The following ZC3H12C variants were observed in gnomAD, a reference collection of about 807,000 sequenced individuals.
ZC3H12C encodes the protein probable ribonuclease ZC3H12C.
Under a neutral mutation model 76.3 loss-of-function variants are expected in ZC3H12C, and 20 were observed. The observed-to-expected ratio is 0.26, with a 90% CI of 0.18 to 0.38. The LOEUF is 0.38. Among genes scored for constraint, ZC3H12C ranks in the 10% least tolerant of loss-of-function variants. The pLI is 1.00. For missense variants in ZC3H12C, 874 were observed against 1,086.5 expected, an observed-to-expected ratio of 0.80 and a Z score of 2.75; for synonymous variants, 352 against 399.6, an observed-to-expected ratio of 0.88 and a Z score of 1.42.
chr11:110,165,216 C>T lies in ZC3H12C; in HGVS notation c.2131C>T (p.Pro711Ser). The change falls in exon 6 of 6, where the codon CCG (proline) becomes TCG (serine). Residue 711 changes from proline to serine, a missense_variant. Around this residue, in one of 3 missense-constraint regions of ZC3H12C, gnomAD observed 395 missense variants for 434.4 expected, o/e 0.91. Transcript: ENST00000278590. ...TCTTCCGCACCTGGCTCTGCACCTGCCGCACTCCGCTGTGGGCGCCCGGTC... is the reference window on the plus strand; with the variant it reads ...TCTTCCGCACCTGGCTCTGCACCTGTCGCACTCCGCTGTGGGCGCCCGGTC... ...PPLPHLALHL[P>S]HSAVGARSSC... 6.2e-7 allele frequency: 1 copy of T among 1,613,984 alleles called. No homozygotes were observed. The highest frequency in any genetic ancestry group is 1.1e-5 in the South Asian group (1 of 91,082).
At chr11:110,141,705 A>G (rs1445052869) in intron 2 of ZC3H12C, among the ~76,000 whole-genome samples, 1 of 152,240 alleles carries the variant, frequency 6.6e-6, no homozygotes, top group Admixed American at 6.5e-5. Context: ...GTAGACCTGC[A>G]TGAAATGTGT....
chr11:110,103,493 A>C (rs922013767), intron 1 of ZC3H12C, among the ~76,000 whole-genome samples: 1 of 152,280 alleles, frequency 6.6e-6, no homozygotes, highest in African/African-American at 2.4e-5. Context: ...GCTTTGCTTA[A>C]ATTATTTAAT....
intron 2 of ZC3H12C, among the ~76,000 whole-genome samples, chr11:110,140,201 G>A (rs1487916919): frequency 6.6e-6 from 1 of 151,996 alleles, no homozygotes; most frequent in East Asian, 1.9e-4. Context: ...GAGGTGGGAG[G>A]ATGGAACGAG....
chr11:110,161,104 A>C (rs2134199039), intron 4 of ZC3H12C, among the ~76,000 whole-genome samples: 1 of 152,254 alleles, frequency 6.6e-6, no homozygotes, highest in Non-Finnish European at 1.5e-5. Flanking sequence ...TTGGCCTCCC[A>C]AAATGCTGGG....
At chr11:110,110,296 A>G (rs1258407541) in intron 1 of ZC3H12C, among the ~76,000 whole-genome samples, 3 of 152,060 alleles carry the variant, frequency 2.0e-5, no homozygotes, top group Non-Finnish European at 2.9e-5. Flanking sequence ...TTTCCCTATG[A>G]TATTAATAGT....
chr11:110,109,200 A>G (rs868190363), intron 1 of ZC3H12C, among the ~76,000 whole-genome samples: 1 of 152,222 alleles, frequency 6.6e-6, no homozygotes, highest in South Asian at 2.1e-4. Context: ...TCTAAGAAAC[A>G]TAGGAATTGT....
intron 1 of ZC3H12C, among the ~76,000 whole-genome samples, chr11:110,127,047 TGTTGGGACTTTCGGC>T (rs1861761831): frequency 6.6e-6 from 1 of 152,196 alleles, no homozygotes; most frequent in Non-Finnish European, 1.5e-5. Context: ...TATGGGCTAA[TGTTGGGACTTTCGGC>T]GTCTGCCTCT....
intron 1 of ZC3H12C, among the ~76,000 whole-genome samples, chr11:110,107,806 G>C (rs1861358528): frequency 6.6e-6 from 1 of 152,130 alleles, no homozygotes; most frequent in African/African-American, 2.4e-5. Context: ...GGGATTACAG[G>C]TGTGAGCCAC....
intron 3 of ZC3H12C, among the ~76,000 whole-genome samples, chr11:110,154,971 C>T (rs1441872573): frequency 6.6e-6 from 1 of 150,818 alleles, no homozygotes; most frequent in Non-Finnish European, 1.5e-5. Flanking sequence ...CAAATCTAAA[C>T]AATGTTATTT....
intron 1 of ZC3H12C, among the ~76,000 whole-genome samples, chr11:110,111,659 T>C (rs1861431369): frequency 1.3e-5 from 2 of 150,818 alleles, no homozygotes; most frequent in African/African-American, 4.9e-5. Context: ...GCTTCCCAAG[T>C]AGCTGGGAGT....
intron 1 of ZC3H12C, among the ~76,000 whole-genome samples, chr11:110,117,477 A>G (rs1279744217): frequency 2.0e-5 from 3 of 151,700 alleles, no homozygotes; most frequent in Non-Finnish European, 4.4e-5. Context: ...ATATAAAGTT[A>G]TAATTACATA....
chr11:110,110,711 A>ACTT (rs10644570), intron 1 of ZC3H12C, among the ~76,000 whole-genome samples: 106,733 of 151,552 alleles, frequency 0.7, 37,860 homozygotes, highest in East Asian at 0.89. Flanking sequence ...GTGTTCTGTC[A>ACTT]CTTCTGAGTA....
intron 1 of ZC3H12C, among the ~76,000 whole-genome samples, chr11:110,105,914 T>G (rs1462086465): frequency 2.0e-5 from 3 of 152,218 alleles, no homozygotes; most frequent in Non-Finnish European, 4.4e-5. Context: ...TAGGTCTGTT[T>G]AACATTATTG....
intron 4 of ZC3H12C, among the ~76,000 whole-genome samples, chr11:110,161,398 T>C (rs1205448320): frequency 6.6e-6 from 1 of 152,216 alleles, no homozygotes; most frequent in Non-Finnish European, 1.5e-5. Flanking sequence ...AATGTAAGAC[T>C]CTGGTCATGA....
intron 2 of ZC3H12C, among the ~76,000 whole-genome samples, chr11:110,144,829 C>T (rs1460104531): frequency 6.6e-6 from 1 of 152,068 alleles, no homozygotes; most frequent in Non-Finnish European, 1.5e-5. Context: ...TAGATGCCTT[C>T]ATTCTCTTTT....
intron 1 of ZC3H12C, among the ~76,000 whole-genome samples, chr11:110,107,816 C>T (rs192168441): frequency 6.6e-6 from 1 of 152,334 alleles, no homozygotes; most frequent in East Asian, 1.9e-4. Context: ...GTGTGAGCCA[C>T]TGCACCTGGC....
In ZC3H12C at chr11:110,170,689, C is replaced by T. The variant is rs1203297327; in HGVS notation, c.*4952C>T. ...TGTAATTTTGAATTCGTTGGAAGTACACGCTGCTGAGCATGTTTATTCACA... is the reference window on the plus strand; with the variant it reads ...TGTAATTTTGAATTCGTTGGAAGTATACGCTGCTGAGCATGTTTATTCACA... On this transcript the variant is annotated 3_prime_UTR_variant, in exon 6 of 6. Coordinates refer to ENST00000278590, the MANE Select transcript of ZC3H12C (RefSeq NM_033390.2). 1 of 152,176 alleles carries T rather than the reference C, an allele frequency of 6.6e-6. No homozygotes were observed. The highest frequency in any genetic ancestry group is 1.9e-4 in the East Asian group (1 of 5,196). 9.4% of individuals were successfully genotyped at this position (152,176 alleles called of 1,614,324 possible).
chr11:110,142,244 T>C (rs1019920229), intron 2 of ZC3H12C, among the ~76,000 whole-genome samples: 1 of 152,194 alleles, frequency 6.6e-6, no homozygotes, highest in Non-Finnish European at 1.5e-5. Context: ...ATTCTAGTTG[T>C]CATCAATGTC....
intron 1 of ZC3H12C, among the ~76,000 whole-genome samples, chr11:110,117,726 A>ATATAT (rs1203867621): frequency 6.1e-5 from 4 of 65,784 alleles, no homozygotes; most frequent in Non-Finnish European, 1.3e-4. Flanking sequence ...ACACACACAT[A>ATATAT]TATATATACA....
Sources: gnomAD v4.1 joint callset for allele counts (sites outside exome capture counted in the v4.1 genomes callset) on GRCh38, gnomAD v4.1.1 for gene constraint, gnomAD v4.1.1 regional missense constraint, MANE v1.5 for transcripts, NCBI Gene and HGNC (gene_info 2026-07-23, HGNC 2026-07-21) for gene names.